Variants in MEGF10 observed in about 807,000 individuals in gnomAD.
MEGF10 encodes multiple EGF like domains 10.
MEGF10 carries 86 observed loss-of-function variants against 147.5 expected under a neutral mutation model. The ratio of observed to expected loss-of-function variants is 0.58; its 90% CI spans 0.49 to 0.70. The LOEUF (loss-of-function observed/expected upper bound fraction) is 0.70. Among genes scored for constraint, MEGF10 ranks in the 30% least tolerant of loss-of-function variants. The pLI is 0.00. For missense variants in MEGF10, 1,329 were observed against 1,487.3 expected (o/e 0.89, Z 1.75); for synonymous variants, 478 against 525.5 (o/e 0.91, Z 1.24).
chr5:127,420,315 A>T, intron 12 of MEGF10, 108 bp downstream of exon 12: 1 of 1,163,252 alleles, frequency 8.6e-7, no homozygotes, highest in Non-Finnish European at 1.2e-6. Flanking sequence ...CTGTGAACCC[A>T]ACTTCGGTAA....
In MEGF10 at chr5:127,447,649, C is replaced by T. The variant is rs1458592618; in HGVS notation, c.2821C>T (p.His941Tyr). 2.5e-6 allele frequency: 4 copies of T among 1,614,154 alleles called. No individual in the cohort carries two copies. In the Admixed American group the frequency reaches 5.0e-5, roughly 20 times the overall value. The change falls in exon 21 of 25, where the codon CAC (histidine) becomes TAC (tyrosine). Residue 941 changes from histidine (H) to tyrosine (Y), a missense_variant. His to Tyr is a moderately conservative substitution (Grantham distance 83). Coordinates refer to ENST00000503335, the MANE Select transcript of MEGF10 (RefSeq NM_001256545.2). ...HTLTQCATSPHVNNRDRMTVT... is the reference protein window; with the variant it reads ...HTLTQCATSPYVNNRDRMTVT... The stretch of plus-strand genomic sequence containing the variant: ...GCTCACCCAGTGTGCCACATCCCCT[C>T]ACGTCAACAACAGGGACAGGATGAC...
intron 1 of MEGF10, among the ~76,000 whole-genome samples, chr5:127,308,251 T>C (rs1407619779): frequency 8.6e-5 from 13 of 152,026 alleles, no homozygotes; most frequent in Non-Finnish European, 1.9e-4. Context: ...ATGCAGAAAA[T>C]CCAAATTAGG....
the MEGF10 span, among the ~76,000 whole-genome samples, chr5:127,285,165 A>G: frequency 1.3e-5 from 2 of 152,156 alleles, no homozygotes; most frequent in Non-Finnish European, 2.9e-5. Flanking sequence ...CTGCTTCTAC[A>G]TGTCTAATAA....
chr5:127,333,392 A>T (rs1026917264), intron 2 of MEGF10, among the ~76,000 whole-genome samples: 10 of 152,082 alleles, frequency 6.6e-5, no homozygotes, highest in Non-Finnish European at 1.2e-4. Flanking sequence ...GCATGCCTGT[A>T]ATCCAGCTAC....
At chr5:127,445,796 A>C in intron 20 of MEGF10, 103 bp downstream of exon 20, 1 of 822,124 alleles carries the variant, frequency 1.2e-6, no homozygotes, top group Non-Finnish European at 2.1e-6. Flanking sequence ...TGTTTCTGTC[A>C]ATTCTCATTG....
At chr5:127,245,421 C>A in the MEGF10 span, among the ~76,000 whole-genome samples, 1 of 152,132 alleles carries the variant, frequency 6.6e-6, no homozygotes, top group African/African-American at 2.4e-5. Context: ...AAAACTGAAA[C>A]TAGACCCCTT....
chr5:127,359,664 A>C (rs528984925), intron 4 of MEGF10, among the ~76,000 whole-genome samples: 14 of 152,212 alleles, frequency 9.2e-5, no homozygotes, highest in African/African-American at 3.4e-4. Flanking sequence ...TCTTTTACTC[A>C]TCATAATCAT....
intron 8 of MEGF10, among the ~76,000 whole-genome samples, chr5:127,406,015 T>C (rs1764307346): frequency 6.6e-6 from 1 of 152,182 alleles, no homozygotes; most frequent in South Asian, 2.1e-4. Context: ...TCTGGATCCA[T>C]TTAACATCTT....
At chr5:127,313,571 C>T (rs1760390426) in intron 1 of MEGF10, among the ~76,000 whole-genome samples, 1 of 152,196 alleles carries the variant, frequency 6.6e-6, no homozygotes, top group South Asian at 2.1e-4. Flanking sequence ...ACCTTTATGG[C>T]ACTTCATATT....
intron 16 of MEGF10, 81 bp from the exon 17 acceptor site, chr5:127,438,358 A>T: frequency 6.9e-7 from 1 of 1,452,196 alleles, no homozygotes; most frequent in Non-Finnish European, 9.5e-7. Context: ...ATGCAGGGAG[A>T]TGTGTAGAGG....
the MEGF10 span, among the ~76,000 whole-genome samples, chr5:127,250,135 A>T: frequency 6.6e-6 from 1 of 152,078 alleles, no homozygotes; most frequent in Non-Finnish European, 1.5e-5. Context: ...AGTAACCATG[A>T]ATAAAACTTA....
intron 4 of MEGF10, among the ~76,000 whole-genome samples, chr5:127,348,547 A>G (rs181433273): frequency 6.6e-6 from 1 of 152,288 alleles, no homozygotes; most frequent in East Asian, 1.9e-4. Context: ...GTGTGCTTCT[A>G]TATGTGTAGG....
At chr5:127,372,505 C>T (rs768676577) in intron 5 of MEGF10, among the ~76,000 whole-genome samples, 1 of 152,196 alleles carries the variant, frequency 6.6e-6, no homozygotes, top group Non-Finnish European at 1.5e-5. Context: ...TTTCCACTAA[C>T]GTCCTCTTTC....
At chr5:127,274,294 T>G in the MEGF10 span, among the ~76,000 whole-genome samples, 8 of 152,292 alleles carry the variant, frequency 5.3e-5, no homozygotes, top group Admixed American at 1.3e-4. Flanking sequence ...TGAACGGAAA[T>G]AATTTTGTGA....
At chr5:127,293,429 G>A (rs1278330786) in intron 1 of MEGF10, among the ~76,000 whole-genome samples, 3 of 152,138 alleles carry the variant, frequency 2.0e-5, no homozygotes, top group Non-Finnish European at 2.9e-5. Flanking sequence ...GCTGATATTT[G>A]ACCATTTTTG....
At chr5:127,426,487 T>C (rs981845672) in intron 13 of MEGF10, among the ~76,000 whole-genome samples, 1 of 152,190 alleles carries the variant, frequency 6.6e-6, no homozygotes, top group African/African-American at 2.4e-5. Flanking sequence ...CAGATTGCAG[T>C]AGAAGAATGA....
At position 127,351,308 on chromosome 5, in the gene MEGF10, C is replaced by T. The variant is rs557267464; in HGVS notation, c.319+10678C>T. On this transcript the variant is annotated intron_variant, in intron 4 of 24. Coordinates refer to ENST00000503335, the MANE Select transcript of MEGF10 (RefSeq NM_001256545.2). ...TGTTTGTATCTTTCCGGATATATTTCCATTTCTTTAAATTCAATATAAATT... is the reference window on the plus strand; with the variant it reads ...TGTTTGTATCTTTCCGGATATATTTTCATTTCTTTAAATTCAATATAAATT... Among the ~76,000 whole-genome samples, 15 of 152,124 alleles carry T rather than the reference C, an allele frequency of 9.9e-5. No homozygotes were observed. The South Asian group carries it at 3.1e-3, about 32-fold the overall frequency.
the MEGF10 span, among the ~76,000 whole-genome samples, chr5:127,279,627 T>C: frequency 6.6e-6 from 1 of 152,156 alleles, no homozygotes; most frequent in Non-Finnish European, 1.5e-5. Flanking sequence ...CATCCCTGTC[T>C]AATTACTGCC....
chr5:127,342,873 C>T (rs1761736402), intron 4 of MEGF10, among the ~76,000 whole-genome samples: 1 of 152,036 alleles, frequency 6.6e-6, no homozygotes, highest in Non-Finnish European at 1.5e-5. Context: ...ATTTAATCAG[C>T]TTACTCTCTA....
Sources: allele counts gnomAD v4.1 joint callset (sites outside exome capture counted in the v4.1 genomes callset), GRCh38; gene constraint gnomAD v4.1.1; transcripts MANE v1.5; gene names NCBI Gene and HGNC (gene_info 2026-07-23, HGNC 2026-07-21).